PDE4B: variants seen among roughly 807,000 people sequenced by gnomAD.
PDE4B encodes the protein phosphodiesterase 4B.
Under a neutral mutation model 82.2 loss-of-function variants are expected in PDE4B, and 20 were observed. The observed-to-expected ratio is 0.24, with a 90% CI of 0.17 to 0.35. PDE4B has a LOEUF of 0.35. Ranked by LOEUF, PDE4B falls within the 10% of genes least tolerant of loss-of-function variation. The pLI is 1.00. For missense variants in PDE4B, 655 were observed against 907.2 expected (o/e 0.72, Z 3.57); for synonymous variants, 320 against 318.9 (o/e 1.00, Z -0.04).
At chr1:66,271,616 C>G (rs1361897459) in intron 7 of PDE4B, among the ~76,000 whole-genome samples, 3 of 152,164 alleles carry the variant, frequency 2.0e-5, no homozygotes, top group African/African-American at 7.2e-5. Context: ...AACACAGTTT[C>G]TTTCTTTCTT....
intron 3 of PDE4B, chr1:65,993,065 C>T (rs771500846): frequency 6.2e-7 from 1 of 1,613,926 alleles, no homozygotes; most frequent in South Asian, 1.1e-5. Context: ...CACCAAGGAA[C>T]TCACCATGCT....
intron 16 of PDE4B, 106 bp from the exon 17 acceptor site, chr1:66,372,207 T>C (rs2102076187): frequency 8.6e-7 from 1 of 1,165,476 alleles, no homozygotes; most frequent in East Asian, 2.3e-5. Context: ...TTATGATTGA[T>C]CTTTCTGAAG....
chr1:66,200,091 A>T (rs1449867186), intron 3 of PDE4B, among the ~76,000 whole-genome samples: 1 of 152,188 alleles, frequency 6.6e-6, no homozygotes, highest in Non-Finnish European at 1.5e-5. Context: ...AGCACCATTT[A>T]TTAAATAGGG....
intron 3 of PDE4B, among the ~76,000 whole-genome samples, chr1:65,980,971 A>G (rs1006726082): frequency 7.9e-5 from 12 of 152,320 alleles, no homozygotes; most frequent in Non-Finnish European, 1.8e-4. Context: ...TATAGCACAA[A>G]TTGGATAATT....
Position 65,867,911 on chromosome 1 carries a change from C to A in PDE4B, c.-70-45334C>A, listed in dbSNP as rs563367386. Among the ~76,000 whole-genome samples, 4 of 152,150 alleles carry A rather than the reference C, an allele frequency of 2.6e-5. No homozygotes were observed. The South Asian group carries it at 8.3e-4, about 32-fold the overall frequency. The stretch of plus-strand genomic sequence containing the variant: ...GTTCTCTCTAAAAATCCCTTTATTT[C>A]TCCACTGGCTTTGATATTACAGAGT... On this transcript the variant is annotated intron_variant, in intron 1 of 16. Coordinates refer to ENST00000341517, the MANE Select transcript of PDE4B (RefSeq NM_002600.4).
At chr1:65,847,423 T>A (rs184952517) in intron 1 of PDE4B, among the ~76,000 whole-genome samples, 1 of 152,210 alleles carries the variant, frequency 6.6e-6, no homozygotes, top group Non-Finnish European at 1.5e-5. Context: ...GAAGTCAGGA[T>A]TGACATTGTG....
intron 1 of PDE4B, among the ~76,000 whole-genome samples, chr1:65,882,242 T>C (rs1221097741): frequency 6.6e-6 from 1 of 152,168 alleles, no homozygotes; most frequent in African/African-American, 2.4e-5. Context: ...GTTACCAGTG[T>C]GCATCTGTTG....
chr1:66,191,878 A>G (rs1425371325), intron 3 of PDE4B, among the ~76,000 whole-genome samples: 5 of 152,140 alleles, frequency 3.3e-5, no homozygotes, highest in African/African-American at 9.7e-5. Flanking sequence ...TTATAAAACC[A>G]TCAGATCTTG....
chr1:65,872,969 A>G (rs1646591690), intron 1 of PDE4B, among the ~76,000 whole-genome samples: 1 of 152,208 alleles, frequency 6.6e-6, no homozygotes, highest in Non-Finnish European at 1.5e-5. Flanking sequence ...ACATCTTCAT[A>G]TGCAAATAAA....
At chr1:66,357,016 A>G (rs1449750387) in intron 9 of PDE4B, among the ~76,000 whole-genome samples, 2 of 152,192 alleles carry the variant, frequency 1.3e-5, no homozygotes, top group African/African-American at 2.4e-5. Flanking sequence ...CATTTCAGAT[A>G]TACCCTGCTC....
chr1:66,003,540 G>T (rs945005888), intron 3 of PDE4B, among the ~76,000 whole-genome samples: 1 of 152,084 alleles, frequency 6.6e-6, no homozygotes, highest in Non-Finnish European at 1.5e-5. Context: ...AAATGCCTTG[G>T]AAGAATTCCA....
rs536583260 is a variant in PDE4B at position 66,034,299 on chromosome 1, G to T, written c.281+115464G>T. Among the ~76,000 whole-genome samples the T allele has an allele frequency of 6.8e-4, 104 of 152,308 alleles. 2 individuals carry two copies. In the South Asian group the frequency reaches 0.02, roughly 30 times the overall value. Reference sequence around the variant, plus strand: ...CTAGGTTTCTGTTAAATAACAAGTAGTTGAAAGTTAAAAATTTCACATTTT... The same window carrying T: ...CTAGGTTTCTGTTAAATAACAAGTATTTGAAAGTTAAAAATTTCACATTTT... On this transcript the variant is annotated intron_variant, in intron 3 of 16. Transcript: ENST00000341517.
At chr1:66,198,667 T>A (rs968722823) in intron 3 of PDE4B, among the ~76,000 whole-genome samples, 13 of 152,248 alleles carry the variant, frequency 8.5e-5, no homozygotes, top group African/African-American at 2.6e-4. Flanking sequence ...CGTGCAGGTT[T>A]GTTACATATG....
chr1:66,010,418 G>T (rs1652420304), intron 3 of PDE4B, among the ~76,000 whole-genome samples: 1 of 151,934 alleles, frequency 6.6e-6, no homozygotes, highest in Non-Finnish European at 1.5e-5. Context: ...AATTCATATT[G>T]TGATTACATT....
At chr1:65,822,913 A>G (rs889506988) in intron 1 of PDE4B, among the ~76,000 whole-genome samples, 3 of 152,310 alleles carry the variant, frequency 2.0e-5, no homozygotes, top group Non-Finnish European at 2.9e-5. Context: ...GAAACATACT[A>G]AGACACTGCT....
intron 3 of PDE4B, among the ~76,000 whole-genome samples, chr1:65,974,394 T>A (rs1650301649): frequency 6.6e-6 from 1 of 152,224 alleles, no homozygotes. Context: ...TTAAGTTGGC[T>A]CATTATATAG....
At chr1:66,229,758 A>AC (rs1651796968) in intron 3 of PDE4B, among the ~76,000 whole-genome samples, 1 of 152,022 alleles carries the variant, frequency 6.6e-6, no homozygotes, top group Admixed American at 6.6e-5. Flanking sequence ...TAAAAAAAAA[A>AC]CCCTGCAGAG....
intron 9 of PDE4B, among the ~76,000 whole-genome samples, chr1:66,359,465 T>C (rs1249308482): frequency 6.6e-6 from 1 of 152,232 alleles, no homozygotes; most frequent in Non-Finnish European, 1.5e-5. Flanking sequence ...AAATTCAGAA[T>C]AGGGAAACCT....
intron 3 of PDE4B, among the ~76,000 whole-genome samples, chr1:66,022,522 G>A (rs577536449): frequency 6.6e-6 from 1 of 152,244 alleles, no homozygotes; most frequent in Admixed American, 6.5e-5. Context: ...TTGTAGGGCT[G>A]TTGAATTTTG....
Sources: gnomAD v4.1 joint callset for allele counts (sites outside exome capture counted in the v4.1 genomes callset) on GRCh38, gnomAD v4.1.1 for gene constraint, MANE v1.5 for transcripts, NCBI Gene and HGNC (gene_info 2026-07-23, HGNC 2026-07-21) for gene names.